Variants in RARB observed in about 807,000 individuals in gnomAD.
RARB encodes HBV-activated protein.
A neutral mutation model predicts 51.9 loss-of-function variants in RARB; 17 were observed. The ratio of observed to expected loss-of-function variants is 0.33; its 90% CI spans 0.22 to 0.49. The LOEUF is 0.49. RARB is among the 20% of genes least tolerant of loss of function. RARB has a pLI of 0.99. For synonymous variants in RARB, 215 were observed against 195.4 expected (o/e 1.10, Z -0.84); for missense variants, 369 against 550.8 (o/e 0.67, Z 3.30).
chr3:24,854,397 A>G (rs551505789), intron 1 of RARB, among the ~76,000 whole-genome samples: 7 of 152,314 alleles, frequency 4.6e-5, no homozygotes, highest in Admixed American at 1.3e-4. Flanking sequence ...TTGAGTGACT[A>G]TACTGTACCA....
chr3:25,162,697 G>T (rs1215103934), intron 4 of RARB, among the ~76,000 whole-genome samples: 1 of 152,226 alleles, frequency 6.6e-6, no homozygotes, highest in Middle Eastern at 3.4e-3. Flanking sequence ...TTATGTCTGG[G>T]TTCTTTCCTG....
intron 5 of RARB, among the ~76,000 whole-genome samples, chr3:25,310,980 G>A (rs1704276155): frequency 6.6e-6 from 1 of 152,196 alleles, no homozygotes; most frequent in Non-Finnish European, 1.5e-5. Context: ...TATACATAAT[G>A]GCCCTGAACC....
intron 2 of RARB, among the ~76,000 whole-genome samples, chr3:25,481,176 C>T (rs142705706): frequency 6.6e-6 from 1 of 152,204 alleles, no homozygotes; most frequent in East Asian, 1.9e-4. Flanking sequence ...AATGATTAGG[C>T]AAGAAATATT....
rs532451341 is a variant in RARB at position 25,429,661 on chromosome 3, A to G, written c.157+773A>G. Among the ~76,000 whole-genome samples, 3 of 152,292 alleles carry G rather than the reference A, an allele frequency of 2.0e-5. No homozygotes were observed. The Middle Eastern group carries it at 0.01, about 518-fold the overall frequency. ...AAAGGAAATATAAGTGGGGTAGCCC[A>G]ATTTAAAAAAAAAATATTGACTATT... is the stretch of plus-strand genomic sequence containing the variant. On this transcript the variant is annotated intron_variant, in intron 1 of 7. Transcript: ENST00000330688.
At chr3:25,579,886 G>T (rs1305017056) in intron 4 of RARB, among the ~76,000 whole-genome samples, 1 of 152,164 alleles carries the variant, frequency 6.6e-6, no homozygotes, top group Non-Finnish European at 1.5e-5. Flanking sequence ...ACATCAGCAT[G>T]ACAGGTGGCG....
chr3:25,534,316 T>A (rs1699047426), intron 3 of RARB, among the ~76,000 whole-genome samples: 1 of 152,234 alleles, frequency 6.6e-6, no homozygotes, highest in African/African-American at 2.4e-5. Flanking sequence ...GTACCGTGCT[T>A]GGGTACTTTG....
At chr3:24,955,481 A>G (rs1695993710) in intron 2 of RARB, among the ~76,000 whole-genome samples, 1 of 152,164 alleles carries the variant, frequency 6.6e-6, no homozygotes, top group African/African-American at 2.4e-5. Context: ...CCAGGGAACC[A>G]CACTCTTCTA....
At chr3:25,148,640 GTTCC>G (rs1700233116) in intron 4 of RARB, among the ~76,000 whole-genome samples, 1 of 152,128 alleles carries the variant, frequency 6.6e-6, no homozygotes, top group African/African-American at 2.4e-5. Context: ...ATTATTAAAG[GTTCC>G]TTACCTTTGT....
intron 3 of RARB, among the ~76,000 whole-genome samples, chr3:25,532,336 C>T (rs1440233700): frequency 6.6e-6 from 1 of 152,118 alleles, no homozygotes; most frequent in Non-Finnish European, 1.5e-5. Context: ...TAAACACATG[C>T]TTTTTAAATC....
intron 5 of RARB, among the ~76,000 whole-genome samples, chr3:25,396,035 T>C (rs943840029): frequency 3.9e-5 from 6 of 152,200 alleles, no homozygotes; most frequent in African/African-American, 1.4e-4. Context: ...TTCAGATTAT[T>C]TTGTCCCACA....
chr3:25,211,288 A>C (rs1440473203), intron 5 of RARB, among the ~76,000 whole-genome samples: 2 of 152,214 alleles, frequency 1.3e-5, no homozygotes, highest in Non-Finnish European at 2.9e-5. Flanking sequence ...AGTGCTGAGC[A>C]GGGGAAAGGA....
chr3:25,381,461 T>C (rs1169968798), intron 5 of RARB, among the ~76,000 whole-genome samples: 1 of 152,184 alleles, frequency 6.6e-6, no homozygotes, highest in East Asian at 1.9e-4. Context: ...ATAAAGATAA[T>C]ATAATATAAC....
intron 2 of RARB, among the ~76,000 whole-genome samples, chr3:24,862,264 G>A (rs1036970089): frequency 6.6e-6 from 1 of 152,184 alleles, no homozygotes; most frequent in African/African-American, 2.4e-5. Flanking sequence ...GTCATCGAGT[G>A]TTGGAGTGCT....
chr3:24,921,824 A>G (rs1260025567), intron 2 of RARB, among the ~76,000 whole-genome samples: 1 of 152,244 alleles, frequency 6.6e-6, no homozygotes, highest in Non-Finnish European at 1.5e-5. Flanking sequence ...AATCCAATGC[A>G]GCAATTCTTA....
intron 3 of RARB, among the ~76,000 whole-genome samples, chr3:25,078,032 T>C (rs1021896669): frequency 1.2e-4 from 18 of 152,190 alleles, no homozygotes; most frequent in Non-Finnish European, 2.1e-4. Context: ...TTGACTTCTA[T>C]TGAATTCCAG....
intron 4 of RARB, among the ~76,000 whole-genome samples, chr3:25,171,657 A>AAAAAAAAAAAAAC (rs1313879949): frequency 1.3e-5 from 2 of 148,664 alleles, no homozygotes; most frequent in Non-Finnish European, 3.0e-5. Flanking sequence ...AAAAAAAAAA[A>AAAAAAAAAAAAAC]AAAACAGCTT....
intron 3 of RARB, among the ~76,000 whole-genome samples, chr3:25,543,517 A>T (rs973975606): frequency 6.6e-6 from 1 of 152,098 alleles, no homozygotes; most frequent in Non-Finnish European, 1.5e-5. Context: ...CAATGTGGCA[A>T]ATCCACTCAT....
At chr3:25,254,994 TC>T (rs1267054608) in intron 5 of RARB, among the ~76,000 whole-genome samples, 1 of 152,168 alleles carries the variant, frequency 6.6e-6, no homozygotes, top group East Asian at 1.9e-4. Context: ...TACGACATTC[TC>T]AAAAAATATT....
intron 5 of RARB, among the ~76,000 whole-genome samples, chr3:25,238,706 G>A (rs184527476): frequency 8.9e-4 from 135 of 152,198 alleles, no homozygotes; most frequent in African/African-American, 3.2e-3. Flanking sequence ...CTGTGGGCTG[G>A]GTGCAGTGGC....
Sources: gnomAD v4.1 joint callset for allele counts (sites outside exome capture counted in the v4.1 genomes callset) on GRCh38, gnomAD v4.1.1 for gene constraint, MANE v1.5 for transcripts, NCBI Gene and HGNC (gene_info 2026-07-23, HGNC 2026-07-21) for gene names.